The following SETD1B variants were observed in gnomAD, a reference collection of about 807,000 sequenced individuals.
The protein encoded by SETD1B is histone-lysine N-methyltransferase SETD1B.
A neutral mutation model predicts 148.0 loss-of-function variants in SETD1B; 7 were observed. The observed-to-expected ratio is 0.05, with a 90% CI of 0.03 to 0.09. The LOEUF (loss-of-function observed/expected upper bound fraction) is 0.09, where lower values mean the gene tolerates loss of function less well. Among genes scored for constraint, SETD1B ranks in the 10% least tolerant of loss-of-function variants. SETD1B has a pLI of 1.00. For synonymous variants in SETD1B, 1,361 were observed against 1,186.5 expected, an observed-to-expected ratio of 1.15 and a Z score of -3.02; for missense variants, 2,155 against 2,729.9, an observed-to-expected ratio of 0.79 and a Z score of 4.69.
chr12:121,807,457 AAAAAG>A (rs768801015), intron 4 of SETD1B, among the ~76,000 whole-genome samples: 93 of 144,556 alleles, frequency 6.4e-4, no homozygotes, highest in African/African-American at 1.6e-3. Flanking sequence ...AAAAAAAAAA[AAAAAG>A]AAAAGAAAAG....
intron 4 of SETD1B, among the ~76,000 whole-genome samples, chr12:121,807,296 C>T (rs892694760): frequency 6.6e-6 from 1 of 151,990 alleles, no homozygotes; most frequent in Admixed American, 6.5e-5. Context: ...CCTAGCTTCT[C>T]AGTCTCTGGG....
intron 6 of SETD1B, among the ~76,000 whole-genome samples, chr12:121,812,215 C>T (rs1876068027): frequency 6.6e-6 from 1 of 152,108 alleles, no homozygotes; most frequent in African/African-American, 2.4e-5. Flanking sequence ...GAGCTGGACC[C>T]CGTCCCATCC....
chr12:121,829,162 T>C (rs1876977253), intron 16 of SETD1B, among the ~76,000 whole-genome samples: 1 of 152,118 alleles, frequency 6.6e-6, no homozygotes, highest in South Asian at 2.1e-4. Context: ...AGAGCCAAGG[T>C]CGCTGGAAGG....
chr12:121,823,897 G>C (rs1050503857), intron 12 of SETD1B, 148 bp downstream of exon 12: 28 of 1,220,190 alleles, frequency 2.3e-5, no homozygotes, highest in East Asian at 1.0e-4. Context: ...AGCAGGGTTT[G>C]TGTCCCGGCA....
chr12:121,816,815 C>A (rs917890819), intron 7 of SETD1B, among the ~76,000 whole-genome samples: 5 of 152,226 alleles, frequency 3.3e-5, no homozygotes, highest in African/African-American at 1.2e-4. Flanking sequence ...GTACAGTAGT[C>A]CTATTCTACA....
chr12:121,823,193 A>G lies in SETD1B; in HGVS notation c.4614A>G (p.Arg1538=), dbSNP rs1420100027. ...TCTCCTTGGATGGGCCCTTGGTCCG[A>G]CCACCAGCAGGGGCCGCCCTTGGAA... ...SMLSLDGPLV[R]PPAGAALGRE... Residue 1538 remains arginine (R), a synonymous_variant, in exon 12 of 17, where the codon CGA becomes CGG. Coordinates refer to ENST00000604567, the MANE Select transcript of SETD1B (RefSeq NM_001353345.2). The G allele has an allele frequency of 6.5e-7, 1 of 1,546,352 alleles. No homozygotes were observed. The highest frequency in any genetic ancestry group is 1.4e-5 in the African/African-American group (1 of 72,146).
In SETD1B at chr12:121,809,721, C is replaced by T; in HGVS notation, c.776C>T (p.Ser259Phe). The T allele has an allele frequency of 6.4e-7, 1 of 1,551,574 alleles. No individual in the cohort carries two copies. Among genetic ancestry groups the T allele is most frequent in the Non-Finnish European group, 8.7e-7 (1 of 1,146,976 alleles). ...GTPFSQDTAY[S>F]SCRLDTPNSY... ...CCCTTCTCCCAGGACACAGCTTATT[C>T]CAGCTGCCGCCTGGACACACCCAAC... Residue 259 changes from serine to phenylalanine, a missense_variant, in exon 6 of 17, where the codon TCC becomes TTC. Ser to Phe is a radical substitution (Grantham distance 155, BLOSUM62 -2). Around this residue, in one of 11 missense-constraint regions of SETD1B, gnomAD observed 376 missense variants for 385.0 expected, o/e 0.98. Transcript: ENST00000604567.
At chr12:121,793,096 G>A in the SETD1B span, 2 of 1,462,768 alleles carry the variant, frequency 1.4e-6, 1 homozygote, top group South Asian at 2.4e-5. Flanking sequence ...CGCCCGGGAG[G>A]GGAAACCCTT....
chr12:121,817,385 G>A lies in SETD1B; in HGVS notation c.2993G>A (p.Arg998Gln), dbSNP rs1467944319. 21 of 1,526,886 alleles carry A rather than the reference G, an allele frequency of 1.4e-5. No homozygotes were observed. The highest frequency in any genetic ancestry group is 2.8e-5 in the African/African-American group (2 of 72,610). The allele number at this position is 1,526,886 out of a possible 1,614,324, so 94.6% of individuals were successfully genotyped here. A position where few individuals can be genotyped will look rare whatever the true frequency, so the allele number is the denominator to read the frequency against. ...CTTCCTGCAGAGTCCGAGCGAGAGC[G>A]AGACCGGGATATGGCAGACACCCCC... ...DEEDEESERE[R>Q]DRDMADTPCE... is the part of the protein sequence containing the mutation. Residue 998 changes from arginine to glutamine, a missense_variant, in exon 9 of 17, where the codon CGA becomes CAA. Arg to Gln is a conservative substitution (Grantham distance 43). Around this residue, in one of 11 missense-constraint regions of SETD1B, gnomAD observed 289 missense variants for 423.7 expected, o/e 0.68. Transcript: ENST00000604567. This position sits in a 1 kb window ranked among gnomAD's most constrained non-coding sequence, Gnocchi z 8.1.
intron 6 of SETD1B, among the ~76,000 whole-genome samples, 168 bp downstream of exon 6, chr12:121,811,003 C>T (rs1044145005): frequency 6.6e-6 from 1 of 152,202 alleles, no homozygotes; most frequent in African/African-American, 2.4e-5. Flanking sequence ...CAGAAAACAC[C>T]AGGGGCTGTG....
chr12:121,792,088 G>T, the SETD1B span, among the ~76,000 whole-genome samples: 1 of 145,296 alleles, frequency 6.9e-6, no homozygotes, highest in South Asian at 2.2e-4. Context: ...AGGACCTGCT[G>T]AAGTCGGAAT....
rs1327965466 is a variant in SETD1B, at chr12:121,814,328, ATGCCCCCACCGC to A, written c.2126_2137del (p.Leu709_Pro712del). On this transcript the variant is annotated inframe_deletion, in exon 7 of 17. Coordinates refer to ENST00000604567, the MANE Select transcript of SETD1B (RefSeq NM_001353345.2). ...ACCCCCACCGCAGCCTGGCTTCCCC[ATGCCCCCACCGC>A]TGCCCCCACCGCCGCCCCCACCCCC... 4.5e-5 allele frequency: 25 copies of A among 549,610 alleles called. No homozygotes were observed. The highest frequency in any genetic ancestry group is 1.4e-4 in the East Asian group (1 of 7,222). 34.0% of individuals were successfully genotyped at this position (549,610 alleles called of 1,614,324 possible).
chr12:121,793,251 G>A, the SETD1B span: 2 of 1,550,474 alleles, frequency 1.3e-6, no homozygotes, highest in African/African-American at 1.4e-5. Context: ...TGCGGGAGAG[G>A]GGGTCGGGTT....
At chr12:121,811,456 T>G (rs889729389) in intron 6 of SETD1B, among the ~76,000 whole-genome samples, 1 of 151,612 alleles carries the variant, frequency 6.6e-6, no homozygotes, top group Non-Finnish European at 1.5e-5. Context: ...TGGGGTGCCA[T>G]GTAGCCAGAA....
Position 121,814,505 on chromosome 12 carries a change from C to G in SETD1B, c.2290C>G (p.Leu764Val), listed in dbSNP as rs1337122823. Residue 764 changes from leucine to valine, a missense_variant, in exon 7 of 17, where the codon CTG (leucine) becomes GTG (valine). This residue lies in a region of SETD1B where 289 missense variants were observed against 423.7 expected (regional missense o/e 0.68). Coordinates refer to ENST00000604567, the MANE Select transcript of SETD1B (RefSeq NM_001353345.2). Reference protein sequence around the residue: ...PVMQVDMSHVLGGQWGGMPMS... With the variant: ...PVMQVDMSHVVGGQWGGMPMS... ...GATGCAGGTGGACATGAGCCACGTG[C>G]TGGGTGGCCAGTGGGGCGGCATGCC... 2 of 1,465,616 alleles carry G rather than the reference C, an allele frequency of 1.4e-6. No homozygotes were observed. Among genetic ancestry groups the G allele is most frequent in the Non-Finnish European group, 1.8e-6 (2 of 1,103,404 alleles). 90.8% of individuals were successfully genotyped at this position (1,465,616 alleles called of 1,614,324 possible).
chr12:121,794,827 C>T, the SETD1B span, among the ~76,000 whole-genome samples: 1 of 152,090 alleles, frequency 6.6e-6, no homozygotes, highest in Non-Finnish European at 1.5e-5. Context: ...AGAGCATGGC[C>T]GAGAGTGGGA....
At position 121,822,686 on chromosome 12, in the gene SETD1B, C is replaced by T. The variant is rs1459556499; in HGVS notation, c.4107C>T (p.Ser1369=). The T allele has an allele frequency of 6.5e-7, 1 of 1,541,046 alleles. No homozygotes were observed. Among genetic ancestry groups the T allele is most frequent in the East Asian group, 2.5e-5 (1 of 40,670 alleles). The change falls in exon 12 of 17, where the codon AGC becomes AGT. Residue 1369 remains serine (S), a synonymous_variant. Transcript: ENST00000604567. ...HPPHTPGLCG[S]LAKSQSTETV... ...CGCATACTCCAGGCCTCTGTGGCAGCCTGGCCAAGTCGCAGAGCACAGAGA... is the reference window on the plus strand; with the variant it reads ...CGCATACTCCAGGCCTCTGTGGCAGTCTGGCCAAGTCGCAGAGCACAGAGA...
chr12:121,802,312 A>G (rs1404350758), upstream of SETD1B: 1 of 152,262 alleles, frequency 6.6e-6, no homozygotes, highest in Non-Finnish European at 1.5e-5. Flanking sequence ...CAACATTAAC[A>G]TCAAAACTGT....
In SETD1B at chr12:121,823,063, G is replaced by A. The variant is rs1445553538; in HGVS notation, c.4484G>A (p.Arg1495His). 2.6e-5 allele frequency: 39 copies of A among 1,510,412 alleles called. No individual in the cohort carries two copies. In the East Asian group the frequency reaches 5.5e-4, roughly 21 times the overall value. The allele number at this position is 1,510,412 out of a possible 1,614,324, so 93.6% of individuals were successfully genotyped here. A position where few individuals can be genotyped will look rare whatever the true frequency, so the allele number is the denominator to read the frequency against. The change falls in exon 12 of 17, where the codon CGT becomes CAT. Residue 1495 changes from arginine (R) to histidine (H), a missense_variant. Transcript: ENST00000604567. Reference protein sequence around the residue: ...ALPAVLRAQARAPTPLPPLLP... With the variant: ...ALPAVLRAQAHAPTPLPPLLP... Reference sequence around the variant, plus strand: ...CCCGCCGTCTTGCGGGCCCAGGCTCGTGCGCCCACCCCGCTGCCACCCCTG... The same window carrying A: ...CCCGCCGTCTTGCGGGCCCAGGCTCATGCGCCCACCCCGCTGCCACCCCTG...
Sources: allele counts gnomAD v4.1 joint callset (sites outside exome capture counted in the v4.1 genomes callset), GRCh38; gene constraint gnomAD v4.1.1; regional missense constraint gnomAD v4.1.1; non-coding constraint Gnocchi (gnomAD v3.1); transcripts MANE v1.5; gene names NCBI Gene and HGNC (gene_info 2026-07-23, HGNC 2026-07-21).